Variants in PARP8 observed in about 807,000 individuals in gnomAD.
PARP8 encodes the protein protein mono-ADP-ribosyltransferase PARP8.
Under a neutral mutation model 124.1 loss-of-function variants are expected in PARP8, and 51 were observed. The observed-to-expected ratio is 0.41, with a 90% CI of 0.33 to 0.52. The LOEUF is 0.52. Ranked by LOEUF, PARP8 falls within the 20% of genes least tolerant of loss-of-function variation. The pLI is 0.21. For synonymous variants in PARP8, 391 were observed against 361.5 expected (o/e 1.08, Z -0.93); for missense variants, 860 against 1,018.9 (o/e 0.84, Z 2.12).
intron 2 of PARP8, among the ~76,000 whole-genome samples, chr5:50,716,070 A>G (rs1755284391): frequency 1.3e-5 from 2 of 152,126 alleles, no homozygotes; most frequent in Non-Finnish European, 1.5e-5. Flanking sequence ...AATTCTTTCC[A>G]AAAACTTGCT....
chr5:50,667,325 GC>G (rs1016823523), intron 1 of PARP8, 139 bp downstream of exon 1: 230 of 910,394 alleles, frequency 2.5e-4, no homozygotes, highest in Non-Finnish European at 3.5e-4. Flanking sequence ...GCTGCAACGA[GC>G]GCGGGAGCCA....
intron 16 of PARP8, 45 bp from the exon 17 acceptor site, chr5:50,822,290 T>A (rs1239752008): frequency 7.3e-7 from 1 of 1,369,868 alleles, no homozygotes; most frequent in Admixed American, 1.7e-5. Flanking sequence ...TTGCAAGAGC[T>A]TATAAGCAAA....
intron 2 of PARP8, among the ~76,000 whole-genome samples, chr5:50,707,938 C>T (rs185108759): frequency 1.5e-3 from 225 of 152,182 alleles, no homozygotes; most frequent in African/African-American, 5.1e-3. Context: ...CCTTACCACA[C>T]GATCTCGCAC....
At chr5:50,713,307 C>G (rs1312312052) in intron 2 of PARP8, among the ~76,000 whole-genome samples, 6 of 151,888 alleles carry the variant, frequency 4.0e-5, no homozygotes, top group Non-Finnish European at 4.4e-5. Flanking sequence ...GTGGTGTGAT[C>G]TTGGTTCACC....
At chr5:50,783,365 G>A (rs1293825822) in intron 9 of PARP8, among the ~76,000 whole-genome samples, 10 of 152,220 alleles carry the variant, frequency 6.6e-5, no homozygotes, top group Non-Finnish European at 1.5e-5. Context: ...GTGGAAGAAT[G>A]AGGAATGGAC....
intron 2 of PARP8, among the ~76,000 whole-genome samples, chr5:50,685,210 T>G (rs1385413867): frequency 4.6e-5 from 7 of 152,222 alleles, no homozygotes; most frequent in Admixed American, 2.6e-4. Flanking sequence ...TCAGGATGCC[T>G]TCATTTGCTA....
chr5:50,821,147 A>G (rs1745718848), intron 15 of PARP8, 66 bp from the exon 16 acceptor site: 1 of 1,578,416 alleles, frequency 6.3e-7, no homozygotes, highest in Admixed American at 1.7e-5. Context: ...CTTGAGAGGG[A>G]GAAACAATGG....
chr5:50,766,440 G>A (rs532461293), intron 7 of PARP8, among the ~76,000 whole-genome samples: 1 of 152,230 alleles, frequency 6.6e-6, no homozygotes, highest in Non-Finnish European at 1.5e-5. Context: ...ATTGAAATTA[G>A]TATTTTTAGA....
intron 2 of PARP8, among the ~76,000 whole-genome samples, chr5:50,749,692 G>GA (rs907314018): frequency 1.3e-5 from 2 of 151,712 alleles, no homozygotes; most frequent in Admixed American, 6.6e-5. Flanking sequence ...AATTCTTTTA[G>GA]AAAAAAACCA....
intron 22 of PARP8, among the ~76,000 whole-genome samples, chr5:50,831,010 T>C (rs1272443158): frequency 3.9e-5 from 6 of 152,166 alleles, no homozygotes; most frequent in African/African-American, 1.4e-4. Flanking sequence ...GTTCATGTTC[T>C]TCCAACCATA....
chr5:50,706,930 T>C (rs1052050387), intron 2 of PARP8, among the ~76,000 whole-genome samples: 2 of 152,058 alleles, frequency 1.3e-5, no homozygotes, highest in African/African-American at 2.4e-5. Flanking sequence ...CAGTGATTGA[T>C]TTCTGTAATT....
intron 2 of PARP8, among the ~76,000 whole-genome samples, chr5:50,700,524 A>G (rs1030514533): frequency 6.6e-6 from 1 of 152,226 alleles, no homozygotes; most frequent in Non-Finnish European, 1.5e-5. Flanking sequence ...TGAAAACACA[A>G]GTGTGCTCTG....
intron 3 of PARP8, among the ~76,000 whole-genome samples, chr5:50,759,012 T>C (rs1760260063): frequency 6.6e-6 from 1 of 152,172 alleles, no homozygotes. Flanking sequence ...ATTAGAGCAA[T>C]ATGGAAGGTA....
At chr5:50,737,432 T>A (rs1757579760) in intron 2 of PARP8, among the ~76,000 whole-genome samples, 1 of 152,224 alleles carries the variant, frequency 6.6e-6, no homozygotes, top group African/African-American at 2.4e-5. Flanking sequence ...TAGGAGTTTC[T>A]GAATTCTGGA....
chr5:50,810,832 C>A (rs1176104439), intron 14 of PARP8, among the ~76,000 whole-genome samples: 1 of 151,978 alleles, frequency 6.6e-6, no homozygotes, highest in Non-Finnish European at 1.5e-5. Context: ...GATACAGAAT[C>A]ATTATTTTAA....
chr5:50,819,849 C>G (rs764382878), intron 15 of PARP8, among the ~76,000 whole-genome samples: 1 of 152,038 alleles, frequency 6.6e-6, no homozygotes, highest in African/African-American at 2.4e-5. Flanking sequence ...ATGTGCATCT[C>G]TAGAGTAGAA....
In PARP8 at chr5:50,822,377, A is replaced by G. The variant is rs1042446264; in HGVS notation, c.1837A>G (p.Thr613Ala). ...DRVMKALDSI[T>A]SIREMTQAPY... is the part of the protein sequence containing the mutation. Reference sequence around the variant, plus strand: ...AGTAATGAAAGCACTGGATAGCATAACTTCTATCAGAGAAATGACACAAGT... The same window carrying G: ...AGTAATGAAAGCACTGGATAGCATAGCTTCTATCAGAGAAATGACACAAGT... Residue 613 changes from threonine (T) to alanine (A), a missense_variant, in exon 17 of 26, where the codon ACT becomes GCT. Around this residue, in one of 2 missense-constraint regions of PARP8, gnomAD observed 343 missense variants for 474.7 expected, o/e 0.72. Transcript: ENST00000281631. 4 of 1,611,154 alleles carry G rather than the reference A, an allele frequency of 2.5e-6. No individual in the cohort carries two copies. The highest frequency in any genetic ancestry group is 3.4e-6 in the Non-Finnish European group (4 of 1,177,520).
chr5:50,822,222 T>G, intron 16 of PARP8, 113 bp from the exon 17 acceptor site: 1 of 768,160 alleles, frequency 1.3e-6, no homozygotes, highest in Non-Finnish European at 2.3e-6. Flanking sequence ...TCTTTCAAAT[T>G]GACCCCAGTG....
chr5:50,779,260 T>G (rs1580314645), intron 9 of PARP8, among the ~76,000 whole-genome samples: 1 of 151,980 alleles, frequency 6.6e-6, no homozygotes, highest in Non-Finnish European at 1.5e-5. Context: ...CTTATATTGT[T>G]CCAGTTATCT....
Sources: allele counts gnomAD v4.1 joint callset (sites outside exome capture counted in the v4.1 genomes callset), GRCh38; gene constraint gnomAD v4.1.1; regional missense constraint gnomAD v4.1.1; transcripts MANE v1.5; gene names NCBI Gene and HGNC (gene_info 2026-07-23, HGNC 2026-07-21).